Variants in OR2T33 observed in about 807,000 individuals in gnomAD.
OR2T33 encodes olfactory receptor family 2 subfamily T member 33, also known as olfactory receptor 2T33.
A neutral mutation model predicts 14.0 loss-of-function variants in OR2T33; 10 were observed. That is an observed-to-expected ratio of 0.72 (90% CI 0.44 to 1.22). OR2T33 has a LOEUF of 1.22. Ranked by LOEUF, OR2T33 falls within the 50% of genes most tolerant of loss-of-function variation. The probability of loss-of-function intolerance (pLI) is 0.00; values close to 1 mark genes in which losing one functional copy is unlikely to be tolerated. For synonymous variants in OR2T33, 103 were observed against 159.4 expected, an observed-to-expected ratio of 0.65 and a Z score of 2.66; for missense variants, 276 against 405.9, an observed-to-expected ratio of 0.68 and a Z score of 2.75.
In OR2T33 at chr1:248,271,141, A is replaced by C. The variant is rs1020319471; in HGVS notation, c.*1711T>G. Reference sequence around the variant, plus strand: ...TCAAATGCCAAATGCTAGTTGTTTTAGTTTTCTCCTGTATATTAGGCTTAA... The same window carrying C: ...TCAAATGCCAAATGCTAGTTGTTTTCGTTTTCTCCTGTATATTAGGCTTAA... On this transcript the variant is annotated 3_prime_UTR_variant, in exon 2 of 2. Coordinates refer to ENST00000641220, the MANE Select transcript of OR2T33 (RefSeq NM_001004695.2). 1 of 152,166 alleles carries C rather than the reference A, an allele frequency of 6.6e-6. No homozygotes were observed. The highest frequency in any genetic ancestry group is 6.5e-5 in the Admixed American group (1 of 15,272). The allele number at this position is 152,166 out of a possible 1,614,324, so 9.4% of individuals were successfully genotyped here. A position where few individuals can be genotyped will look rare whatever the true frequency, so the allele number is the denominator to read the frequency against.
rs1659379406 is a variant in OR2T33, at chr1:248,272,119, G to T, written c.*733C>A. On this transcript the variant is annotated 3_prime_UTR_variant, in exon 2 of 2. Transcript: ENST00000641220. ...TCAGAGTTCATATCGATGGAGGTAT[G>T]TCAATAAGTCAAGGTAACCTTAAAG... 1 of 152,114 alleles carries T rather than the reference G, an allele frequency of 6.6e-6. No individual in the cohort carries two copies. Among genetic ancestry groups the T allele is most frequent in the African/African-American group, 2.4e-5 (1 of 41,426 alleles). The allele number at this position is 152,114 out of a possible 1,614,324, so 9.4% of individuals were successfully genotyped here.
intron 1 of OR2T33, among the ~76,000 whole-genome samples, chr1:248,275,966 GTTTTC>G (rs776047036): frequency 2.6e-5 from 4 of 152,226 alleles, no homozygotes; most frequent in Non-Finnish European, 4.4e-5. Flanking sequence ...TAACATTTTT[GTTTTC>G]TTTTGTTTTG....
In OR2T33 at chr1:248,272,378, A is replaced by G. The variant is rs1448581396; in HGVS notation, c.*474T>C. 6.5e-6 allele frequency: 1 copy of G among 153,358 alleles called. No homozygotes were observed. The highest frequency in any genetic ancestry group is 1.5e-5 in the Non-Finnish European group (1 of 68,834). 9.5% of individuals were successfully genotyped at this position (153,358 alleles called of 1,614,324 possible). On this transcript the variant is annotated 3_prime_UTR_variant, in exon 2 of 2. Transcript: ENST00000641220. ...GCATCTATATTTTAAAATATAACAT[A>G]AAAATAATATTTTTCTTTGGTGGAG... is the stretch of plus-strand genomic sequence containing the variant.
intron 1 of OR2T33, among the ~76,000 whole-genome samples, 154 bp downstream of exon 1, chr1:248,277,611 A>G (rs1659462276): frequency 1.3e-5 from 2 of 152,088 alleles, no homozygotes; most frequent in Non-Finnish European, 2.9e-5. Flanking sequence ...TGACAGGAAA[A>G]CATTTACTTT....
chr1:248,273,387 G>A lies in OR2T33; in HGVS notation c.428C>T (p.Thr143Ile), dbSNP rs749258969. 6.2e-7 allele frequency: 1 copy of A among 1,612,176 alleles called. No individual in the cohort carries two copies. Among genetic ancestry groups the A allele is most frequent in the Admixed American group, 1.7e-5 (1 of 60,002 alleles). ...TGCACCCAGGAGCCAACACGACATG[G>A]TCATCCTCAGGCACAGCTGCCAGCT... is the stretch of plus-strand genomic sequence containing the variant. ...LMSWQLCLRM[T>I]MSCWLLGAAD... Residue 143 changes from threonine to isoleucine, a missense_variant, in exon 2 of 2, where the codon ACC becomes ATC. Transcript: ENST00000641220.
In OR2T33 at chr1:248,272,558, C is replaced by A. The variant is rs1217433021; in HGVS notation, c.*294G>T. ...TGTGTGAAATTGGGAACAATATTTA[C>A]CTTTCCATGCATTAATTTCTTTTTT... On this transcript the variant is annotated 3_prime_UTR_variant, in exon 2 of 2. Transcript: ENST00000641220. 3.5e-5 allele frequency: 11 copies of A among 315,836 alleles called. No individual in the cohort carries two copies. The East Asian group carries it at 5.8e-4, about 17-fold the overall frequency. 19.6% of individuals were successfully genotyped at this position (315,836 alleles called of 1,614,324 possible).
Position 248,273,350 on chromosome 1 carries a change from GAGCCCGTCA to G in OR2T33, c.456_464del (p.Asp153_Leu155del). 1 of 1,612,024 alleles carries G rather than the reference GAGCCCGTCA, an allele frequency of 6.2e-7. No homozygotes were observed. The highest frequency in any genetic ancestry group is 8.5e-7 in the Non-Finnish European group (1 of 1,179,886). On this transcript the variant is annotated inframe_deletion, in exon 2 of 2. Transcript: ENST00000641220. ...AGCTCAGGGTAACAACAGCCTGCAGGAGCCCGTCAGCTGCACCCAGGAGCCAACACGACA... is the reference window on the plus strand; with the variant it reads ...AGCTCAGGGTAACAACAGCCTGCAGGGCTGCACCCAGGAGCCAACACGACA...
Position 248,271,453 on chromosome 1 carries a change from C to G in OR2T33, c.*1399G>C, listed in dbSNP as rs752474071. On this transcript the variant is annotated 3_prime_UTR_variant, in exon 2 of 2. Coordinates refer to ENST00000641220, the MANE Select transcript of OR2T33 (RefSeq NM_001004695.2). ...AAACAAAAGTATCAAACAGATGACA[C>G]TCTCTCCTTTCATCCTCAAGTCTTC... 1.4e-4 allele frequency: 21 copies of G among 152,184 alleles called. No individual in the cohort carries two copies. Among genetic ancestry groups the G allele is most frequent in the Non-Finnish European group, 2.9e-4 (20 of 68,028 alleles). 9.4% of individuals were successfully genotyped at this position (152,184 alleles called of 1,614,324 possible). A position where few individuals can be genotyped will look rare whatever the true frequency, so the allele number is the denominator to read the frequency against.
chr1:248,275,708 A>C (rs1301246387), intron 1 of OR2T33, among the ~76,000 whole-genome samples: 1 of 149,444 alleles, frequency 6.7e-6, no homozygotes, highest in Non-Finnish European at 1.5e-5. Context: ...AAAATAGAAT[A>C]ATAAAATAGA....
In OR2T33 at chr1:248,273,820, C is replaced by T. The variant is rs201357351; in HGVS notation, c.-6G>A. 31 of 1,603,008 alleles carry T rather than the reference C, an allele frequency of 1.9e-5. No individual in the cohort carries two copies. Among genetic ancestry groups the T allele is most frequent in the Non-Finnish European group, 2.5e-5 (29 of 1,173,168 alleles). Reference sequence around the variant, plus strand: ...GTAGTATTTCTCATCTCCATAATTTCCCCTGGTGTGATGGTGCAAATGGAA... The same window carrying T: ...GTAGTATTTCTCATCTCCATAATTTTCCCTGGTGTGATGGTGCAAATGGAA... On this transcript the variant is annotated splice_region_variant and 5_prime_UTR_variant, in exon 2 of 2. Coordinates refer to ENST00000641220, the MANE Select transcript of OR2T33 (RefSeq NM_001004695.2).
chr1:248,277,631 G>C lies in OR2T33; in HGVS notation c.-9+134C>G, dbSNP rs1174318436. The C allele has an allele frequency of 1.3e-5, 2 of 152,062 alleles. 1 individual carries two copies. Among genetic ancestry groups the C allele is most frequent in the African/African-American group, 4.8e-5 (2 of 41,404 alleles). 9.4% of individuals were successfully genotyped at this position (152,062 alleles called of 1,614,324 possible). A position where few individuals can be genotyped will look rare whatever the true frequency, so the allele number is the denominator to read the frequency against. ...GGAAAACATTTACTTTGTGTGATTT[G>C]TCCCTCAACTTTACAAAGGTTACTT... On this transcript the variant is annotated intron_variant, in intron 1 of 1. Transcript: ENST00000641220.
At chr1:248,275,784 T>G (rs1659440655) in intron 1 of OR2T33, among the ~76,000 whole-genome samples, 1 of 150,882 alleles carries the variant, frequency 6.6e-6, no homozygotes, top group Non-Finnish European at 1.5e-5. Context: ...CAGATTACAG[T>G]AGGTGTACCA....
At chr1:248,276,629 A>T (rs1659450125) in intron 1 of OR2T33, among the ~76,000 whole-genome samples, 1 of 151,900 alleles carries the variant, frequency 6.6e-6, no homozygotes, top group South Asian at 2.1e-4. Flanking sequence ...AAGAGTAAAC[A>T]TCACTTTAAT....
At position 248,273,237 on chromosome 1, in the gene OR2T33, A is replaced by G. The variant is rs573982180; in HGVS notation, c.578T>C (p.Phe193Ser). 1 of 1,610,236 alleles carries G rather than the reference A, an allele frequency of 6.2e-7. No individual in the cohort carries two copies. Among genetic ancestry groups the G allele is most frequent in the East Asian group, 2.2e-5 (1 of 44,812 alleles). Residue 193 changes from phenylalanine to serine, a missense_variant, in exon 2 of 2, where the codon TTC (phenylalanine) becomes TCC (serine). Phe to Ser is a radical substitution (Grantham distance 155). Transcript: ENST00000641220. ...VRLACADTSV[F>S]ENAMYICCVL... ...ACAGCAGATGTACATGGCGTTTTCG[A>G]AGACTGAAGTGTCAGCACAAGCCAA...
At chr1:248,276,786 A>C (rs1388632858) in intron 1 of OR2T33, among the ~76,000 whole-genome samples, 1 of 152,156 alleles carries the variant, frequency 6.6e-6, no homozygotes, top group Admixed American at 6.6e-5. Flanking sequence ...ATTTAATAGA[A>C]AATTTGGTTT....
chr1:248,275,319 T>C (rs866373026), intron 1 of OR2T33, among the ~76,000 whole-genome samples: 37 of 152,316 alleles, frequency 2.4e-4, no homozygotes, highest in Middle Eastern at 3.4e-3. Context: ...TAAACAAAGA[T>C]TATAGGACAA....
In OR2T33 at chr1:248,272,163, C is replaced by T. The variant is rs2103031163; in HGVS notation, c.*689G>A. 6.6e-6 allele frequency: 1 copy of T among 152,040 alleles called. No homozygotes were observed. The highest frequency in any genetic ancestry group is 1.9e-4 in the East Asian group (1 of 5,170). 9.4% of individuals were successfully genotyped at this position (152,040 alleles called of 1,614,324 possible). ...CTTAAAGCAGGTGTAGAAAACAGAA[C>T]TTAGTTGTAGTTTAAAACAATTTTC... On this transcript the variant is annotated 3_prime_UTR_variant, in exon 2 of 2. Transcript: ENST00000641220.
intron 1 of OR2T33, among the ~76,000 whole-genome samples, chr1:248,276,205 G>C (rs865845980): frequency 6.6e-6 from 1 of 152,148 alleles, no homozygotes; most frequent in Non-Finnish European, 1.5e-5. Context: ...GCAGAGCTCA[G>C]TGGGTAATGC....
chr1:248,270,799 A>G lies in OR2T33; in HGVS notation c.*2053T>C, dbSNP rs1401663595. 6.6e-6 allele frequency: 1 copy of G among 152,166 alleles called. No homozygotes were observed. The highest frequency in any genetic ancestry group is 1.5e-5 in the Non-Finnish European group (1 of 68,028). The allele number at this position is 152,166 out of a possible 1,614,324, so 9.4% of individuals were successfully genotyped here. ...ACAAAATTATATATTGGACTTTACA[A>G]AAATCAAAATCTCTGCTCTGAAAAA... On this transcript the variant is annotated 3_prime_UTR_variant, in exon 2 of 2. Transcript: ENST00000641220.
Sources: gnomAD v4.1 joint callset for allele counts (sites outside exome capture counted in the v4.1 genomes callset) on GRCh38, gnomAD v4.1.1 for gene constraint, MANE v1.5 for transcripts, NCBI Gene and HGNC (gene_info 2026-07-23, HGNC 2026-07-21) for gene names.